Variants in ZWILCH observed in about 807,000 individuals in gnomAD.
The protein encoded by ZWILCH is protein zwilch homolog.
In ZWILCH, 74 loss-of-function variants were observed where a neutral mutation model predicts 79.9. The ratio of observed to expected loss-of-function variants is 0.93; its 90% confidence interval spans 0.77 to 1.12. The LOEUF (loss-of-function observed/expected upper bound fraction) is 1.12. Among genes scored for constraint, ZWILCH ranks in the 50% most tolerant of loss-of-function variants. The probability of loss-of-function intolerance (pLI) is 0.00; values close to 1 mark genes in which losing one functional copy is unlikely to be tolerated. For synonymous variants in ZWILCH, 241 were observed against 228.2 expected, an observed-to-expected ratio of 1.06 and a Z score of -0.51; for missense variants, 694 against 687.5, an observed-to-expected ratio of 1.01 and a Z score of -0.11.
Position 66,523,700 on chromosome 15 carries a change from G to T in ZWILCH, c.771G>T (p.Glu257Asp). 13 of 1,612,412 alleles carry T rather than the reference G, an allele frequency of 8.1e-6. No individual in the cohort carries two copies. The highest frequency in any genetic ancestry group is 1.1e-5 in the Non-Finnish European group (13 of 1,178,888). Residue 257 changes from glutamate (E) to aspartate (D), a missense_variant, in exon 8 of 19, where the codon GAG (glutamate) becomes GAT (aspartate). Physicochemically the swap from Glu to Asp is conservative, Grantham distance 45. Transcript: ENST00000307897. ...ATLNIKVESG[E>D]PRGPLNHLYR... Reference sequence around the variant, plus strand: ...AGAATATTAAAGTGGAATCAGGAGAGCCCAGAGGTCCTTTGAATCATCTCT... The same window carrying T: ...AGAATATTAAAGTGGAATCAGGAGATCCCAGAGGTCCTTTGAATCATCTCT...
At chr15:66,519,109 GTATT>G in intron 5 of ZWILCH, 31 bp downstream of exon 5, 1 of 1,576,756 alleles carries the variant, frequency 6.3e-7, no homozygotes. Context: ...GTGTGTGTGT[GTATT>G]TATTCATTTG....
At chr15:66,529,369 C>T (rs1331711875) in intron 11 of ZWILCH, 125 bp from the exon 12 acceptor site, 5 of 525,752 alleles carry the variant, frequency 9.5e-6, no homozygotes, top group African/African-American at 2.0e-5. Context: ...AATTTCTTTC[C>T]CTTTCCCCTG....
In ZWILCH at chr15:66,546,671, T is replaced by C; in HGVS notation, c.1768T>C (p.Phe590Leu). 2 of 1,606,754 alleles carry C rather than the reference T, an allele frequency of 1.2e-6. No individual in the cohort carries two copies. Among genetic ancestry groups the C allele is most frequent in the Non-Finnish European group, 1.7e-6 (2 of 1,176,554 alleles). ...CATGGTTACCTGCAGCCAGGTGCATTTCAAGTGAAGTGTGCTGATGAAGTC... is the reference window on the plus strand; with the variant it reads ...CATGGTTACCTGCAGCCAGGTGCATCTCAAGTGAAGTGTGCTGATGAAGTC... Reference protein sequence around the residue: ...TNMVTCSQVHFK With the variant: ...TNMVTCSQVHLK The change falls in exon 18 of 19, where the codon TTC (phenylalanine) becomes CTC (leucine). Residue 590 changes from phenylalanine to leucine, a missense_variant. Transcript: ENST00000307897.
In ZWILCH at chr15:66,529,474, A is replaced by G. The variant is rs769064113; in HGVS notation, c.1076-20A>G. The stretch of plus-strand genomic sequence containing the variant: ...GTAGAAATACCCTGAAAATAATGTT[A>G]CACTGACTTGTTTTCCAAGGTGTGA... On this transcript the variant is annotated intron_variant, in intron 11 of 18. Transcript: ENST00000307897. 3 of 1,573,534 alleles carry G rather than the reference A, an allele frequency of 1.9e-6. No individual in the cohort carries two copies. Among genetic ancestry groups the G allele is most frequent in the Admixed American group, 3.3e-5 (2 of 59,832 alleles).
At chr15:66,517,430 G>GTGTGTATATATATATATATA in intron 4 of ZWILCH, among the ~76,000 whole-genome samples, 16 of 66,522 alleles carry the variant, frequency 2.4e-4, no homozygotes, top group Non-Finnish European at 2.9e-4. Context: ...GTGTGTGTGT[G>GTGTGTATATATATATATATA]TATATATATA....
intron 14 of ZWILCH, among the ~76,000 whole-genome samples, chr15:66,535,116 T>TC (rs991032867): frequency 2.0e-5 from 3 of 152,078 alleles, no homozygotes; most frequent in African/African-American, 7.2e-5. Flanking sequence ...TAGGTTGGGA[T>TC]CATCAGTATC....
In ZWILCH at chr15:66,521,141, A is replaced by G; in HGVS notation, c.683A>G (p.Asp228Gly). 6.2e-7 allele frequency: 1 copy of G among 1,614,060 alleles called. No homozygotes were observed. Among genetic ancestry groups the G allele is most frequent in the Non-Finnish European group, 8.5e-7 (1 of 1,180,034 alleles). ...ITASQTAIAL[D>G]ISWSPVDEIL... ...GCATCACAAACTGCGATCGCTTTGG[A>G]TATTTCCTGGAGTCCTGTGGATGAG... The change falls in exon 7 of 19, where the codon GAT becomes GGT. Residue 228 changes from aspartate to glycine, a missense_variant. By Grantham distance (94) the Asp-to-Gly change is moderately conservative. Transcript: ENST00000307897.
intron 4 of ZWILCH, among the ~76,000 whole-genome samples, chr15:66,517,310 C>CTATGTATGTATTCATATATAGT (rs1894301654): frequency 6.6e-6 from 1 of 150,500 alleles, no homozygotes; most frequent in Non-Finnish European, 1.5e-5. Flanking sequence ...CAGTGTATTG[C>CTATGTATGTATTCATATATAGT]TATGTATGTA....
intron 8 of ZWILCH, 72 bp downstream of exon 8, chr15:66,523,820 C>G: frequency 7.9e-7 from 1 of 1,260,396 alleles, no homozygotes; most frequent in East Asian, 2.3e-5. Context: ...GTTGTTTTTA[C>G]TTAGGTTTGT....
intron 2 of ZWILCH, among the ~76,000 whole-genome samples, chr15:66,509,128 G>T (rs1368654917): frequency 6.6e-6 from 1 of 152,104 alleles, no homozygotes; most frequent in South Asian, 2.1e-4. Flanking sequence ...TTTTAGTAGA[G>T]ACAGGGTTTC....
At chr15:66,522,688 G>T (rs1894539851) in intron 7 of ZWILCH, among the ~76,000 whole-genome samples, 1 of 152,088 alleles carries the variant, frequency 6.6e-6, no homozygotes, top group South Asian at 2.1e-4. Flanking sequence ...AATAGGATGT[G>T]CTTATTAAGC....
chr15:66,541,292 C>T (rs1222023741), intron 17 of ZWILCH, among the ~76,000 whole-genome samples: 1 of 151,902 alleles, frequency 6.6e-6, no homozygotes, highest in Non-Finnish European at 1.5e-5. Context: ...CTCAGAAACA[C>T]ACCACACACA....
chr15:66,540,107 A>C lies in ZWILCH; in HGVS notation c.1584A>C (p.Pro528=). Residue 528 remains proline, a synonymous_variant, in exon 17 of 19, where the codon CCA becomes CCC. Coordinates refer to ENST00000307897, the MANE Select transcript of ZWILCH (RefSeq NM_017975.5). The part of the protein sequence containing the change: ...AVKNLYQSEK[P]QKWRVEIYSG... Reference sequence around the variant, plus strand: ...TTTATTCTTTCCTTAGTGAGAAGCCACAGAAATGGAGAGTGGAAATATATA... The same window carrying C: ...TTTATTCTTTCCTTAGTGAGAAGCCCCAGAAATGGAGAGTGGAAATATATA... 6.3e-7 allele frequency: 1 copy of C among 1,598,898 alleles called. No homozygotes were observed. The highest frequency in any genetic ancestry group is 1.7e-4 in the Middle Eastern group (1 of 6,012).
chr15:66,521,781 G>A (rs58828777), intron 7 of ZWILCH, among the ~76,000 whole-genome samples: 1,812 of 152,162 alleles, frequency 0.012, 64 homozygotes, highest in East Asian at 0.076. Flanking sequence ...GATTATAGGC[G>A]TGAGCCACTG....
intron 7 of ZWILCH, among the ~76,000 whole-genome samples, chr15:66,521,871 C>A (rs753925641): frequency 2.8e-4 from 42 of 152,096 alleles, no homozygotes; most frequent in Non-Finnish European, 3.5e-4. Flanking sequence ...CCCTTTCACT[C>A]TGTATTTACA....
intron 12 of ZWILCH, among the ~76,000 whole-genome samples, chr15:66,531,603 G>T (rs901026047): frequency 3.9e-5 from 6 of 152,074 alleles, no homozygotes; most frequent in African/African-American, 1.4e-4. Flanking sequence ...GACTACAGGC[G>T]CTTGCTACCA....
rs1399227857 is a variant in ZWILCH, at chr15:66,529,086, T to G, written c.1075+129T>G. 4 of 678,130 alleles carry G rather than the reference T, an allele frequency of 5.9e-6. No homozygotes were observed. The African/African-American group carries it at 7.2e-5, about 12-fold the overall frequency. 42.0% of individuals were successfully genotyped at this position (678,130 alleles called of 1,614,324 possible). On this transcript the variant is annotated intron_variant, in intron 11 of 18. Coordinates refer to ENST00000307897, the MANE Select transcript of ZWILCH (RefSeq NM_017975.5). ...TGGTTCTTAACTTTATCTAATTCAT[T>G]TCTAATGACACATTGGTGCATTCTG... is the stretch of plus-strand genomic sequence containing the variant.
chr15:66,523,761 C>A lies in ZWILCH; in HGVS notation c.819+13C>A. 1 of 1,579,952 alleles carries A rather than the reference C, an allele frequency of 6.3e-7. No homozygotes were observed. Among genetic ancestry groups the A allele is most frequent in the Non-Finnish European group, 8.7e-7 (1 of 1,152,522 alleles). On this transcript the variant is annotated intron_variant, in intron 8 of 18. Transcript: ENST00000307897. The stretch of plus-strand genomic sequence containing the variant: ...GAAATTTCTTCTTGTGAGTATCCTT[C>A]TAGAATTCCTTTCCTTAAATCTATG...
rs766827416 is a variant in ZWILCH at position 66,508,823 on chromosome 15, T to C, written c.54-18T>C. The stretch of plus-strand genomic sequence containing the variant: ...AGATAATGTAGTTCTGTTTTTCACA[T>C]GTGGTTCTGCGTTTCAGGAAATTTA... On this transcript the variant is annotated intron_variant, in intron 1 of 18. Coordinates refer to ENST00000307897, the MANE Select transcript of ZWILCH (RefSeq NM_017975.5). The C allele has an allele frequency of 4.3e-6, 7 of 1,613,966 alleles. No individual in the cohort carries two copies. The South Asian group carries it at 7.7e-5, about 18-fold the overall frequency.
Sources: gnomAD v4.1 joint callset for allele counts (sites outside exome capture counted in the v4.1 genomes callset) on GRCh38, gnomAD v4.1.1 for gene constraint, MANE v1.5 for transcripts, NCBI Gene and HGNC (gene_info 2026-07-23, HGNC 2026-07-21) for gene names.